NEDD1: variants seen among roughly 807,000 people sequenced by gnomAD.
The protein encoded by NEDD1 is NEDD1 gamma-tubulin ring complex targeting factor, also known as protein NEDD1.
A neutral mutation model predicts 74.0 loss-of-function variants in NEDD1; 33 were observed. The observed-to-expected ratio is 0.45, with a 90% CI of 0.34 to 0.60. The LOEUF (loss-of-function observed/expected upper bound fraction) is 0.60, where lower values mean the gene tolerates loss of function less well. Ranked by LOEUF, NEDD1 falls within the 20% of genes least tolerant of loss-of-function variation. The probability of loss-of-function intolerance (pLI) is 0.01; values close to 1 mark genes in which losing one functional copy is unlikely to be tolerated. For synonymous variants in NEDD1, 250 were observed against 264.4 expected, an observed-to-expected ratio of 0.95 and a Z score of 0.53; for missense variants, 746 against 776.5, an observed-to-expected ratio of 0.96 and a Z score of 0.47.
Position 96,909,870 on chromosome 12 carries a change from C to T in NEDD1, c.111C>T (p.Ile37=). The part of the protein sequence containing the change: ...KFNPHTSPHG[I]SSICWSSNNN... ...ACCCACACACATCACCACATGGAAT[C>T]AGCTCAATATGTTGGAGCAGCAATA... Residue 37 remains isoleucine, a synonymous_variant, in exon 3 of 16, where the codon ATC becomes ATT. Coordinates refer to ENST00000266742, the MANE Select transcript of NEDD1 (RefSeq NM_152905.4). 1.2e-6 allele frequency: 2 copies of T among 1,612,542 alleles called. No homozygotes were observed. The highest frequency in any genetic ancestry group is 1.7e-6 in the Non-Finnish European group (2 of 1,179,576).
At position 96,953,010 on chromosome 12, in the gene NEDD1, A is replaced by C. The variant is rs1026056244; in HGVS notation, c.*957A>C. The C allele has an allele frequency of 3.3e-5, 5 of 151,530 alleles. No individual in the cohort carries two copies. Among genetic ancestry groups the C allele is most frequent in the Non-Finnish European group, 5.9e-5 (4 of 67,648 alleles). 9.4% of individuals were successfully genotyped at this position (151,530 alleles called of 1,614,324 possible). A position where few individuals can be genotyped will look rare whatever the true frequency, so the allele number is the denominator to read the frequency against. On this transcript the variant is annotated 3_prime_UTR_variant, in exon 16 of 16. Coordinates refer to ENST00000266742, the MANE Select transcript of NEDD1 (RefSeq NM_152905.4). ...CATAAAATTATTTAGAAAGGTTGTC[A>C]AAATAAGTTATACCTCTTTGGCAAT... is the stretch of plus-strand genomic sequence containing the variant.
At chr12:96,942,500 G>C in intron 10 of NEDD1, 77 bp from the exon 11 acceptor site, 2 of 747,628 alleles carry the variant, frequency 2.7e-6, no homozygotes, top group Admixed American at 4.2e-5. Flanking sequence ...GAACTCTTTG[G>C]GGAATGAATA....
At position 96,943,671 on chromosome 12, in the gene NEDD1, C is replaced by T. The variant is rs1877899699; in HGVS notation, c.1406C>T (p.Pro469Leu). The T allele has an allele frequency of 6.2e-7, 1 of 1,611,524 alleles. No homozygotes were observed. The highest frequency in any genetic ancestry group is 8.5e-7 in the Non-Finnish European group (1 of 1,177,928). The stretch of plus-strand genomic sequence containing the variant: ...CCTCTTAATGTTTTTATGGGATCTC[C>T]AGGGAAAGAGGAAAATGAAAACCGT... ...SSPLNVFMGS[P>L]GKEENENRDL... The change falls in exon 12 of 16, where the codon CCA (proline) becomes CTA (leucine). Residue 469 changes from proline to leucine, a missense_variant. By Grantham distance (98) the Pro-to-Leu change is moderately conservative. Coordinates refer to ENST00000266742, the MANE Select transcript of NEDD1 (RefSeq NM_152905.4).
chr12:96,934,916 AT>A, intron 6 of NEDD1, 59 bp from the exon 7 acceptor site: 1 of 1,064,478 alleles, frequency 9.4e-7, no homozygotes. Context: ...TATATGGCTT[AT>A]ATCAAATGTC....
At chr12:96,909,687 G>T in intron 2 of NEDD1, 65 bp from the exon 3 acceptor site, 2 of 1,313,060 alleles carry the variant, frequency 1.5e-6, no homozygotes, top group Non-Finnish European at 2.1e-6. Flanking sequence ...ATTAGATTTT[G>T]ACCTTTTTTT....
chr12:96,940,583 T>G, intron 10 of NEDD1, 46 bp downstream of exon 10: 3 of 1,432,606 alleles, frequency 2.1e-6, no homozygotes, highest in Non-Finnish European at 2.9e-6. Flanking sequence ...TAGTTAATAT[T>G]TTTATTCTGG....
intron 3 of NEDD1, among the ~76,000 whole-genome samples, chr12:96,911,271 G>T: frequency 6.6e-6 from 1 of 151,872 alleles, no homozygotes; most frequent in Non-Finnish European, 1.5e-5. Flanking sequence ...TTTTTTGGTT[G>T]ACTTTTGTTT....
At chr12:96,935,917 C>A (rs1877039772) in intron 7 of NEDD1, among the ~76,000 whole-genome samples, 3 of 152,152 alleles carry the variant, frequency 2.0e-5, no homozygotes, top group Admixed American at 6.6e-5. Flanking sequence ...ATGAATGTTA[C>A]TACAAGGGAA....
intron 6 of NEDD1, among the ~76,000 whole-genome samples, chr12:96,933,672 T>A (rs917121154): frequency 1.3e-5 from 2 of 152,190 alleles, no homozygotes; most frequent in Non-Finnish European, 2.9e-5. Flanking sequence ...TTTGTTTTTT[T>A]TTCTTAGCAT....
intron 6 of NEDD1, among the ~76,000 whole-genome samples, chr12:96,932,463 A>AAAAAAAAAAAAATATATATATATATATAT: frequency 1.1e-4 from 1 of 9,434 alleles, no homozygotes. Flanking sequence ...AAAAAAAAAA[A>AAAAAAAAAAAAATATATATATATATATAT]ATATATATAT....
rs767486150 is a variant in NEDD1 at position 96,943,649 on chromosome 12, C to T, written c.1384C>T (p.Leu462Phe). The T allele has an allele frequency of 1.2e-5, 19 of 1,611,736 alleles. No homozygotes were observed. In the South Asian group the frequency reaches 2.0e-4, roughly 17 times the overall value. The change falls in exon 12 of 16, where the codon CTT (leucine) becomes TTT (phenylalanine). Residue 462 changes from leucine (L) to phenylalanine (F), a missense_variant. Transcript: ENST00000266742. ...SSTSVLHSSP[L>F]NVFMGSPGKE... is the part of the protein sequence containing the mutation. ...TACTTCAGTATTGCATTCTAGTCCT[C>T]TTAATGTTTTTATGGGATCTCCAGG...
In NEDD1 at chr12:96,952,020, A is replaced by G. The variant is rs766188003; in HGVS notation, c.1950A>G (p.Arg650=). The G allele has an allele frequency of 1.9e-6, 3 of 1,604,592 alleles. No individual in the cohort carries two copies. Among genetic ancestry groups the G allele is most frequent in the East Asian group, 4.5e-5 (2 of 44,630 alleles). The change falls in exon 16 of 16, where the codon CGA becomes CGG. Residue 650 remains arginine, a synonymous_variant. Coordinates refer to ENST00000266742, the MANE Select transcript of NEDD1 (RefSeq NM_152905.4). ...TAGTGGCTGAAATTGAAAGACTACGAGAAGAAAACAAAAGATTACGGGCCC... is the reference window on the plus strand; with the variant it reads ...TAGTGGCTGAAATTGAAAGACTACGGGAAGAAAACAAAAGATTACGGGCCC... The part of the protein sequence containing the change: ...EGLVAEIERL[R]EENKRLRAHF
chr12:96,942,754 T>G lies in NEDD1; in HGVS notation c.1294+130T>G, dbSNP rs375567960. ...TTTATCGTCTCATAATTTCTGTGTA[T>G]TAAGAACTGAGCATGACTTGGCTGA... On this transcript the variant is annotated intron_variant, in intron 11 of 15. Transcript: ENST00000266742. 26 of 623,612 alleles carry G rather than the reference T, an allele frequency of 4.2e-5. No individual in the cohort carries two copies. The East Asian group carries it at 7.0e-4, about 17-fold the overall frequency. 38.6% of individuals were successfully genotyped at this position (623,612 alleles called of 1,614,324 possible). A position where few individuals can be genotyped will look rare whatever the true frequency, so the allele number is the denominator to read the frequency against.
chr12:96,907,941 A>T, intron 2 of NEDD1, 85 bp downstream of exon 2: 1 of 1,193,426 alleles, frequency 8.4e-7, no homozygotes, highest in South Asian at 2.1e-5. Context: ...GTGTTTCCTA[A>T]GTTGGAGCAG....
At chr12:96,913,096 G>A (rs944507089) in intron 4 of NEDD1, among the ~76,000 whole-genome samples, 1 of 152,138 alleles carries the variant, frequency 6.6e-6, no homozygotes, top group African/African-American at 2.4e-5. Flanking sequence ...GAGGATCTCT[G>A]TTGCTGCTAT....
In NEDD1 at chr12:96,952,239, A is replaced by T; in HGVS notation, c.*186A>T. 2.3e-6 allele frequency: 1 copy of T among 443,912 alleles called. No homozygotes were observed. The highest frequency in any genetic ancestry group is 3.5e-5 in the South Asian group (1 of 28,860). The allele number at this position is 443,912 out of a possible 1,614,324, so 27.5% of individuals were successfully genotyped here. A position where few individuals can be genotyped will look rare whatever the true frequency, so the allele number is the denominator to read the frequency against. Reference sequence around the variant, plus strand: ...AAATATGTATATTTTTATATTAAAAATTGTACAGTATGTCATCTACCCAAT... The same window carrying T: ...AAATATGTATATTTTTATATTAAAATTTGTACAGTATGTCATCTACCCAAT... On this transcript the variant is annotated 3_prime_UTR_variant, in exon 16 of 16. Coordinates refer to ENST00000266742, the MANE Select transcript of NEDD1 (RefSeq NM_152905.4).
intron 2 of NEDD1, among the ~76,000 whole-genome samples, chr12:96,909,005 C>T (rs1428734375): frequency 1.3e-5 from 2 of 151,848 alleles, no homozygotes; most frequent in African/African-American, 4.8e-5. Flanking sequence ...GGAGAAACCC[C>T]GTCTCTACTA....
chr12:96,950,089 GA>G (rs1211396572), intron 14 of NEDD1, among the ~76,000 whole-genome samples: 3 of 151,802 alleles, frequency 2.0e-5, no homozygotes, highest in Admixed American at 2.0e-4. Context: ...AATAACAAAG[GA>G]TCAGATTATG....
At chr12:96,940,003 TA>T (rs909683666) in intron 9 of NEDD1, among the ~76,000 whole-genome samples, 9 of 151,264 alleles carry the variant, frequency 5.9e-5, no homozygotes, top group African/African-American at 1.2e-4. Flanking sequence ...CCTTACAGAC[TA>T]AAAAAAAATC....
Sources: allele counts gnomAD v4.1 joint callset (sites outside exome capture counted in the v4.1 genomes callset), GRCh38; gene constraint gnomAD v4.1.1; transcripts MANE v1.5; gene names NCBI Gene and HGNC (gene_info 2026-07-23, HGNC 2026-07-21).